EXT1: variants seen among roughly 807,000 people sequenced by gnomAD.
The protein encoded by EXT1 is exostosin glycosyltransferase 1, also known as exostosin-1.
A neutral mutation model predicts 82.5 loss-of-function variants in EXT1; 20 were observed. The ratio of observed to expected loss-of-function variants is 0.24; its 90% CI spans 0.17 to 0.35. The LOEUF is 0.35. EXT1 is among the 10% of genes least tolerant of loss of function. The pLI is 1.00. For synonymous variants in EXT1, 348 were observed against 350.8 expected, an observed-to-expected ratio of 0.99 and a Z score of 0.09; for missense variants, 757 against 936.5, an observed-to-expected ratio of 0.81 and a Z score of 2.50.
intron 3 of EXT1, among the ~76,000 whole-genome samples, chr8:117,835,112 A>G (rs1029057331): frequency 6.6e-6 from 1 of 152,228 alleles, no homozygotes; most frequent in African/African-American, 2.4e-5. Flanking sequence ...GGAAAAGAAT[A>G]TGAAACAGTA....
At chr8:118,026,554 A>ATG in intron 1 of EXT1, among the ~76,000 whole-genome samples, 1 of 152,212 alleles carries the variant, frequency 6.6e-6, no homozygotes, top group South Asian at 2.1e-4. Flanking sequence ...TTCATCATCA[A>ATG]CATCTGGGGT....
chr8:117,903,797 T>C (rs1365394188), intron 1 of EXT1, among the ~76,000 whole-genome samples: 1 of 152,178 alleles, frequency 6.6e-6, no homozygotes, highest in East Asian at 1.9e-4. Context: ...GTTACTGGGT[T>C]TGAAAAAACA....
chr8:118,062,543 C>A (rs1396621100), intron 1 of EXT1, among the ~76,000 whole-genome samples: 1 of 152,106 alleles, frequency 6.6e-6, no homozygotes, highest in African/African-American at 2.4e-5. Context: ...TGTGAAAAGA[C>A]CCCCGTCTTT....
intron 1 of EXT1, among the ~76,000 whole-genome samples, chr8:118,098,190 G>A (rs1817653994): frequency 1.3e-5 from 2 of 152,140 alleles, no homozygotes; most frequent in Non-Finnish European, 2.9e-5. Context: ...CAATCCGTCA[G>A]GACACTGAAA....
Position 118,110,904 on chromosome 8 carries a change from T to C in EXT1, c.143A>G (p.His48Arg). 2 of 1,613,740 alleles carry C rather than the reference T, an allele frequency of 1.2e-6. No homozygotes were observed. Among genetic ancestry groups the C allele is most frequent in the East Asian group, 4.5e-5 (2 of 44,852 alleles). ...EEHSGRNGLHHPSPDHFWPRF... is the reference protein window; with the variant it reads ...EEHSGRNGLHRPSPDHFWPRF... Reference sequence around the variant, plus strand: ...GGGCCAGAAATGATCCGGACTGGGGTGGTGCAAGCCATTCCTACCGCTGTG... The same window carrying C: ...GGGCCAGAAATGATCCGGACTGGGGCGGTGCAAGCCATTCCTACCGCTGTG... The change falls in exon 1 of 11, where the codon CAC (histidine) becomes CGC (arginine). Residue 48 changes from histidine (H) to arginine (R), a missense_variant. By Grantham distance (29) the His-to-Arg change is conservative. This residue lies in a region of EXT1 where 175 missense variants were observed against 159.0 expected (regional missense o/e 1.10). Transcript: ENST00000378204.
At chr8:118,060,662 C>T (rs1816867652) in intron 1 of EXT1, among the ~76,000 whole-genome samples, 1 of 152,110 alleles carries the variant, frequency 6.6e-6, no homozygotes, top group Non-Finnish European at 1.5e-5. Context: ...TTTAATGCCC[C>T]CATTTTCCAG....
intron 1 of EXT1, among the ~76,000 whole-genome samples, chr8:118,075,998 GA>G (rs1817201981): frequency 2.6e-5 from 4 of 152,114 alleles, no homozygotes; most frequent in African/African-American, 7.2e-5. Flanking sequence ...ATATGATAAA[GA>G]GAAAACAAAT....
chr8:117,958,186 G>C (rs1359934399), intron 1 of EXT1, among the ~76,000 whole-genome samples: 1 of 152,002 alleles, frequency 6.6e-6, no homozygotes, highest in Non-Finnish European at 1.5e-5. Flanking sequence ...CTAACATAAA[G>C]TAGGGAAGAA....
At chr8:118,024,248 T>C (rs1816164766) in intron 1 of EXT1, among the ~76,000 whole-genome samples, 1 of 152,220 alleles carries the variant, frequency 6.6e-6, no homozygotes, top group African/African-American at 2.4e-5. Flanking sequence ...ACGGTGCCTA[T>C]GATCAGCCTT....
In EXT1 at chr8:117,803,362, AT is replaced by A. The variant is rs565633671; in HGVS notation, c.2055+1359del. On this transcript the variant is annotated intron_variant, in intron 10 of 10. Transcript: ENST00000378204. ...AAGCGTGCACCACTATGACCAGCTA[AT>A]TTTTTGTATTTTTAGTAGAGATGGG... is the stretch of plus-strand genomic sequence containing the variant. Among the ~76,000 whole-genome samples the A allele has an allele frequency of 3.7e-3, 568 of 152,006 alleles. 4 individuals carry two copies. Among genetic ancestry groups the A allele is most frequent in the African/African-American group, 0.012 (507 of 41,420 alleles).
intron 1 of EXT1, among the ~76,000 whole-genome samples, chr8:118,072,281 C>T (rs2447529): frequency 0.26 from 40,137 of 152,016 alleles, 6,245 homozygotes; most frequent in East Asian, 0.47. Flanking sequence ...CAGGAAAGGA[C>T]CAATGATACT....
chr8:118,066,235 GGAA>G (rs1264501274), intron 1 of EXT1, among the ~76,000 whole-genome samples: 1 of 152,038 alleles, frequency 6.6e-6, no homozygotes, highest in African/African-American at 2.4e-5. Flanking sequence ...AAGACAATGA[GGAA>G]GAAGCCCTTC....
intron 1 of EXT1, among the ~76,000 whole-genome samples, chr8:118,045,292 C>T (rs1281294178): frequency 6.6e-6 from 1 of 152,156 alleles, no homozygotes; most frequent in Non-Finnish European, 1.5e-5. Flanking sequence ...TGCCCCATCA[C>T]TCAAACAGCA....
At chr8:117,985,660 TA>T (rs60966418) in intron 1 of EXT1, among the ~76,000 whole-genome samples, 8,017 of 148,790 alleles carry the variant, frequency 0.054, 722 homozygotes, top group African/African-American at 0.18. Flanking sequence ...CAAAAAAGCT[TA>T]AAAAAAAAAC....
chr8:118,016,110 G>C (rs1815998656), intron 1 of EXT1, among the ~76,000 whole-genome samples: 1 of 152,224 alleles, frequency 6.6e-6, no homozygotes, highest in Admixed American at 6.5e-5. Context: ...AGCCACTCCA[G>C]GCGGGGCGTG....
intron 1 of EXT1, among the ~76,000 whole-genome samples, chr8:118,073,177 T>G (rs935873309): frequency 2.6e-5 from 4 of 152,236 alleles, no homozygotes; most frequent in African/African-American, 9.7e-5. Flanking sequence ...TAGGAGTCTG[T>G]ACAAATTTTT....
chr8:117,881,946 A>G (rs1813066570), intron 1 of EXT1, among the ~76,000 whole-genome samples: 2 of 152,196 alleles, frequency 1.3e-5, no homozygotes, highest in East Asian at 1.9e-4. Flanking sequence ...AGTAGCTTCT[A>G]CAGACGTTAT....
intron 1 of EXT1, among the ~76,000 whole-genome samples, chr8:118,086,633 C>T (rs1298346654): frequency 1.1e-4 from 16 of 152,156 alleles, no homozygotes; most frequent in African/African-American, 4.8e-5. Context: ...TAGTAGATGA[C>T]AACATGAAGG....
intron 1 of EXT1, among the ~76,000 whole-genome samples, chr8:117,905,672 C>T (rs944597322): frequency 2.0e-5 from 3 of 151,998 alleles, no homozygotes; most frequent in African/African-American, 7.2e-5. Context: ...ATTAGCCGGG[C>T]GTGGTGGCGG....
Sources: gnomAD v4.1 joint callset for allele counts (sites outside exome capture counted in the v4.1 genomes callset) on GRCh38, gnomAD v4.1.1 for gene constraint, gnomAD v4.1.1 regional missense constraint, MANE v1.5 for transcripts, NCBI Gene and HGNC (gene_info 2026-07-23, HGNC 2026-07-21) for gene names.